DENND1A: variants seen among roughly 807,000 people sequenced by gnomAD.
The protein encoded by DENND1A is DENN domain-containing protein 1A.
In DENND1A, 51 loss-of-function variants were observed where a neutral mutation model predicts 113.7. The observed-to-expected ratio is 0.45, with a 90% CI of 0.36 to 0.57. DENND1A has a LOEUF of 0.57. DENND1A is among the 20% of genes least tolerant of loss of function. DENND1A has a pLI of 0.00. For synonymous variants in DENND1A, 565 were observed against 570.8 expected (o/e 0.99, Z 0.14); for missense variants, 1,258 against 1,395.9 (o/e 0.90, Z 1.57).
At chr9:123,846,409 G>A (rs1296513540) in intron 2 of DENND1A, among the ~76,000 whole-genome samples, 2 of 152,198 alleles carry the variant, frequency 1.3e-5, no homozygotes, top group Admixed American at 1.3e-4. Flanking sequence ...ATTGTTGATT[G>A]CAGCATTATT....
intron 2 of DENND1A, among the ~76,000 whole-genome samples, chr9:123,850,241 G>A (rs534499378): frequency 2.7e-4 from 41 of 152,238 alleles, no homozygotes; most frequent in Non-Finnish European, 5.3e-4. Context: ...CTTCATTGCT[G>A]TCTTACTTTA....
chr9:123,475,002 C>T lies in DENND1A; in HGVS notation c.994-17105G>A, dbSNP rs553325440. 4.0e-4 allele frequency among the ~76,000 whole-genome samples: 60 copies of T among 151,832 alleles called. No homozygotes were observed. In the Middle Eastern group the frequency reaches 0.017, roughly 43 times the overall value. On this transcript the variant is annotated intron_variant, in intron 13 of 23. Transcript: ENST00000394215. ...AAAAATAGGACCTACTTTGTCACAC[C>T]GCTGTGTGGGTTTTTTAATTAATTT...
At chr9:123,653,803 G>C (rs1291769983) in intron 8 of DENND1A, among the ~76,000 whole-genome samples, 1 of 151,814 alleles carries the variant, frequency 6.6e-6, no homozygotes, top group Non-Finnish European at 1.5e-5. Context: ...GGAGTGATCT[G>C]TATGTGGCAG....
At chr9:123,770,831 T>G (rs1829616850) in intron 3 of DENND1A, among the ~76,000 whole-genome samples, 2 of 152,224 alleles carry the variant, frequency 1.3e-5, no homozygotes, top group Admixed American at 1.3e-4. Flanking sequence ...CAATGCTAAC[T>G]GAATTGATGC....
In DENND1A at chr9:123,382,156, C is replaced by T. The variant is rs1307370233; in HGVS notation, c.2489G>A (p.Ser830Asn). ...CGTGCCTGCAGCCCCGGGGCCAGGGCTGAGCGGCTGGAGCAGTTCAGTGGG... is the reference window on the plus strand; with the variant it reads ...CGTGCCTGCAGCCCCGGGGCCAGGGTTGAGCGGCTGGAGCAGTTCAGTGGG... ...QGPTELLQPL[S>N]PGPGAAGTSS... is the part of the protein sequence containing the mutation. Residue 830 changes from serine to asparagine, a missense_variant, in exon 24 of 24, where the codon AGC becomes AAC. By Grantham distance (46) the Ser-to-Asn change is conservative (BLOSUM62 1). This residue lies in a region of DENND1A where 1,159 missense variants were observed against 1,231.7 expected (regional missense o/e 0.94). Coordinates refer to ENST00000394215, the MANE Select transcript of DENND1A (RefSeq NM_001352964.2). 6.2e-7 allele frequency: 1 copy of T among 1,605,806 alleles called. No homozygotes were observed. Among genetic ancestry groups the T allele is most frequent in the Admixed American group, 1.7e-5 (1 of 59,262 alleles).
chr9:123,529,510 C>T (rs577885986), intron 13 of DENND1A, among the ~76,000 whole-genome samples: 6 of 151,886 alleles, frequency 4.0e-5, no homozygotes, highest in Admixed American at 1.3e-4. Context: ...ATTCTGCTAC[C>T]GAGAAGAGAC....
intron 13 of DENND1A, among the ~76,000 whole-genome samples, chr9:123,522,831 C>A (rs1040895693): frequency 2.0e-5 from 3 of 152,200 alleles, no homozygotes; most frequent in Non-Finnish European, 4.4e-5. Flanking sequence ...GATGCTGTCA[C>A]AGCCTGCAAG....
chr9:123,731,746 T>C (rs2068190054), intron 5 of DENND1A, among the ~76,000 whole-genome samples: 1 of 152,196 alleles, frequency 6.6e-6, no homozygotes, highest in Non-Finnish European at 1.5e-5. Context: ...ATTAAAATCA[T>C]TTGTTCTGTA....
intron 1 of DENND1A, among the ~76,000 whole-genome samples, chr9:123,911,310 C>T (rs1355935655): frequency 6.6e-6 from 1 of 152,116 alleles, no homozygotes; most frequent in African/African-American, 2.4e-5. Context: ...GTGGAACTGT[C>T]ATATATAGCT....
chr9:123,505,722 A>G (rs2052868521), intron 13 of DENND1A, among the ~76,000 whole-genome samples: 1 of 152,150 alleles, frequency 6.6e-6, no homozygotes, highest in South Asian at 2.1e-4. Context: ...CCATTACACA[A>G]CCGTTCCACT....
In DENND1A at chr9:123,572,641, G is replaced by C. The variant is rs1589189373; in HGVS notation, c.867+10528C>G. On this transcript the variant is annotated intron_variant, in intron 12 of 23. Transcript: ENST00000394215. The stretch of plus-strand genomic sequence containing the variant: ...CAAATATTTTACCCATTTTAATTGA[G>C]CTATCTTCTTGCTATTGAGTTTTGG... Among the ~76,000 whole-genome samples, 6 of 152,054 alleles carry C rather than the reference G, an allele frequency of 3.9e-5. No homozygotes were observed. In the South Asian group the frequency reaches 1.0e-3, roughly 26 times the overall value.
chr9:123,603,760 A>G (rs2060032583), intron 11 of DENND1A, among the ~76,000 whole-genome samples: 1 of 152,234 alleles, frequency 6.6e-6, no homozygotes, highest in South Asian at 2.1e-4. Context: ...ACTTGAAAAC[A>G]TAGAAGAAAA....
chr9:123,505,129 T>A (rs1286540527), intron 13 of DENND1A, among the ~76,000 whole-genome samples: 1 of 152,232 alleles, frequency 6.6e-6, no homozygotes, highest in Non-Finnish European at 1.5e-5. Context: ...TTATGTTACC[T>A]AACATATTTT....
chr9:123,783,392 C>T (rs1049522084), intron 3 of DENND1A, among the ~76,000 whole-genome samples: 2 of 152,170 alleles, frequency 1.3e-5, no homozygotes, highest in Non-Finnish European at 2.9e-5. Context: ...GTCTGAAATT[C>T]TAGAGGCAAA....
chr9:123,848,294 G>C (rs1299091551), intron 2 of DENND1A, among the ~76,000 whole-genome samples: 1 of 134,822 alleles, frequency 7.4e-6, no homozygotes, highest in East Asian at 2.3e-4. Flanking sequence ...GATAGAGCAA[G>C]TCATTTCCTG....
chr9:123,856,056 T>C (rs1323973138), intron 2 of DENND1A, among the ~76,000 whole-genome samples: 1 of 151,776 alleles, frequency 6.6e-6, no homozygotes, highest in African/African-American at 2.4e-5. Context: ...AGAAAACCAA[T>C]TAAGTGGCAG....
intron 13 of DENND1A, among the ~76,000 whole-genome samples, chr9:123,535,601 A>C (rs1433153814): frequency 1.3e-5 from 2 of 152,156 alleles, no homozygotes; most frequent in Non-Finnish European, 1.5e-5. Context: ...AACAGGCCAA[A>C]CTTGTGTCTA....
intron 19 of DENND1A, among the ~76,000 whole-genome samples, chr9:123,420,853 G>A (rs1379668164): frequency 6.7e-6 from 1 of 149,994 alleles, no homozygotes; most frequent in African/African-American, 2.5e-5. Flanking sequence ...TTGGGGGACA[G>A]AGGCGGGGGA....
chr9:123,655,796 A>G (rs2139536996), intron 8 of DENND1A, among the ~76,000 whole-genome samples: 1 of 152,354 alleles, frequency 6.6e-6, no homozygotes, highest in East Asian at 1.9e-4. Context: ...CTGATAAAAG[A>G]CACAAGATAA....
Sources: gnomAD v4.1 joint callset for allele counts (sites outside exome capture counted in the v4.1 genomes callset) on GRCh38, gnomAD v4.1.1 for gene constraint, gnomAD v4.1.1 regional missense constraint, MANE v1.5 for transcripts, NCBI Gene and HGNC (gene_info 2026-07-23, HGNC 2026-07-21) for gene names.